TENM3: variants seen among roughly 807,000 people sequenced by gnomAD.
The protein encoded by TENM3 is teneurin-3.
In TENM3, 63 loss-of-function variants were observed where a neutral mutation model predicts 255.1. That is an observed-to-expected ratio of 0.25 (90% CI 0.20 to 0.30). TENM3 has a LOEUF of 0.30. TENM3 is among the 10% of genes least tolerant of loss of function. The pLI is 1.00. For synonymous variants in TENM3, 1,306 were observed against 1,322.3 expected, an observed-to-expected ratio of 0.99 and a Z score of 0.27; for missense variants, 2,929 against 3,461.1, an observed-to-expected ratio of 0.85 and a Z score of 3.86.
At chr4:182,235,320 T>C (rs908653621) in intron 1 of TENM3, among the ~76,000 whole-genome samples, 5 of 152,192 alleles carry the variant, frequency 3.3e-5, no homozygotes, top group African/African-American at 1.2e-4. Flanking sequence ...ATCTCAGATA[T>C]CTCAAAATAT....
chr4:182,535,630 C>G (rs972472484), intron 3 of TENM3, among the ~76,000 whole-genome samples: 1 of 151,732 alleles, frequency 6.6e-6, no homozygotes, highest in Non-Finnish European at 1.5e-5. Context: ...CGTCCTACTA[C>G]TCCAGAGACT....
intron 2 of TENM3, among the ~76,000 whole-genome samples, chr4:182,338,945 A>G (rs938011671): frequency 6.6e-6 from 1 of 152,184 alleles, no homozygotes; most frequent in African/African-American, 2.4e-5. Flanking sequence ...CTGATCCGAG[A>G]CTTCAAAAGA....
chr4:181,726,338 T>C, the TENM3 span, among the ~76,000 whole-genome samples: 100 of 152,190 alleles, frequency 6.6e-4, 1 homozygote, highest in East Asian at 0.018. Flanking sequence ...GTGTAATGAG[T>C]GTCTGCTGTT....
At chr4:182,015,088 T>G in the TENM3 span, among the ~76,000 whole-genome samples, 1 of 152,186 alleles carries the variant, frequency 6.6e-6, no homozygotes, top group South Asian at 2.1e-4. Flanking sequence ...AAAAGTGAAT[T>G]TAAGGGAAGA....
rs1005879313 is a variant in TENM3, at chr4:182,799,049, A to C, written c.7345-547A>C. 3.9e-5 allele frequency among the ~76,000 whole-genome samples: 6 copies of C among 152,196 alleles called. No individual in the cohort carries two copies. Among genetic ancestry groups the C allele is most frequent in the African/African-American group, 1.4e-4 (6 of 41,442 alleles). ...CCCCACCTTCCACTCATCCCTGTAC[A>C]TTTCAGTTCTGCGGTTACACTCACC... On this transcript the variant is annotated intron_variant, in intron 27 of 27. Coordinates refer to ENST00000511685, the MANE Select transcript of TENM3 (RefSeq NM_001080477.4). This position sits in a 1 kb window ranked among gnomAD's most constrained non-coding sequence, Gnocchi z 4.2.
chr4:181,811,922 C>T, the TENM3 span, among the ~76,000 whole-genome samples: 1 of 152,218 alleles, frequency 6.6e-6, no homozygotes, highest in African/African-American at 2.4e-5. Context: ...ATTACTTGTA[C>T]ATTCTTCGAA....
At chr4:181,910,293 G>C in the TENM3 span, among the ~76,000 whole-genome samples, 3 of 151,970 alleles carry the variant, frequency 2.0e-5, no homozygotes, top group Non-Finnish European at 2.9e-5. Flanking sequence ...CAGGCCGGGT[G>C]CAGTGGCTCA....
At chr4:181,557,255 A>G in the TENM3 span, among the ~76,000 whole-genome samples, 1 of 152,214 alleles carries the variant, frequency 6.6e-6, no homozygotes, top group Non-Finnish European at 1.5e-5. Flanking sequence ...TTCAAGAAAC[A>G]AGGTCAATGG....
In TENM3 at chr4:182,327,397, G is replaced by A. The variant is rs574748784; in HGVS notation, c.232+3145G>A. On this transcript the variant is annotated intron_variant, in intron 2 of 27. Coordinates refer to ENST00000511685, the MANE Select transcript of TENM3 (RefSeq NM_001080477.4). ...AATGACACAGGGAAATGCAACTTCGGCTGGAGAAAGGGACAAGCAGGGTTT... is the reference window on the plus strand; with the variant it reads ...AATGACACAGGGAAATGCAACTTCGACTGGAGAAAGGGACAAGCAGGGTTT... 5.9e-5 allele frequency among the ~76,000 whole-genome samples: 9 copies of A among 152,282 alleles called. No individual in the cohort carries two copies. In the South Asian group the frequency reaches 1.9e-3, roughly 32 times the overall value.
At chr4:182,563,771 T>A (rs2151982722) in intron 3 of TENM3, among the ~76,000 whole-genome samples, 1 of 152,330 alleles carries the variant, frequency 6.6e-6, no homozygotes, top group South Asian at 2.1e-4. Flanking sequence ...GAGTAAGGAA[T>A]ACACTAGGAA....
chr4:181,816,997 C>CTTTGCTGCAAAA, the TENM3 span, among the ~76,000 whole-genome samples: 1 of 152,158 alleles, frequency 6.6e-6, no homozygotes, highest in Admixed American at 6.5e-5. Flanking sequence ...AAAGGTTAAG[C>CTTTGCTGCAAAA]ATCTTGCCCA....
the TENM3 span, among the ~76,000 whole-genome samples, chr4:181,953,150 A>T: frequency 6.6e-6 from 1 of 152,200 alleles, no homozygotes; most frequent in Non-Finnish European, 1.5e-5. Flanking sequence ...ACCAATTGCT[A>T]AGTAGTGTCC....
chr4:181,709,229 G>A, the TENM3 span, among the ~76,000 whole-genome samples: 3 of 152,144 alleles, frequency 2.0e-5, no homozygotes, highest in Non-Finnish European at 4.4e-5. Flanking sequence ...TGTGTAGCAC[G>A]TATTGTTTTA....
chr4:181,622,744 A>T, the TENM3 span, among the ~76,000 whole-genome samples: 3 of 152,104 alleles, frequency 2.0e-5, no homozygotes, highest in East Asian at 5.8e-4. Context: ...GAAATAGAAC[A>T]AGCCCTGAGA....
At chr4:182,371,351 G>A (rs1434591304) in intron 3 of TENM3, among the ~76,000 whole-genome samples, 1 of 151,772 alleles carries the variant, frequency 6.6e-6, no homozygotes, top group East Asian at 1.9e-4. Flanking sequence ...TCTGTTCAAA[G>A]TTATTTTTGT....
chr4:181,941,322 T>A, the TENM3 span, among the ~76,000 whole-genome samples: 266 of 152,126 alleles, frequency 1.7e-3, 2 homozygotes, highest in African/African-American at 5.9e-3. Context: ...TTTTTTTTTT[T>A]TATAGCTATT....
intron 1 of TENM3, among the ~76,000 whole-genome samples, chr4:182,206,411 G>C (rs1004540950): frequency 1.3e-5 from 2 of 152,164 alleles, no homozygotes; most frequent in African/African-American, 2.4e-5. Flanking sequence ...TCTGTTATGG[G>C]CCAGGGGGCT....
chr4:181,817,194 G>A, the TENM3 span, among the ~76,000 whole-genome samples: 1 of 152,100 alleles, frequency 6.6e-6, no homozygotes, highest in African/African-American at 2.4e-5. Flanking sequence ...ATTGAATATT[G>A]AGCACCTTCT....
At chr4:182,637,122 A>G (rs965260487) in intron 5 of TENM3, among the ~76,000 whole-genome samples, 1 of 152,198 alleles carries the variant, frequency 6.6e-6, no homozygotes, top group African/African-American at 2.4e-5. Flanking sequence ...AATGGCATAA[A>G]TAAGGTTAAA....
Sources: gnomAD v4.1 joint callset for allele counts (sites outside exome capture counted in the v4.1 genomes callset) on GRCh38, gnomAD v4.1.1 for gene constraint, Gnocchi (gnomAD v3.1) non-coding constraint, MANE v1.5 for transcripts, NCBI Gene and HGNC (gene_info 2026-07-23, HGNC 2026-07-21) for gene names.